TSPAN5: variants seen among roughly 807,000 people sequenced by gnomAD.
TSPAN5 encodes the protein tetraspanin 5.
Under a neutral mutation model 37.1 loss-of-function variants are expected in TSPAN5, and 10 were observed. The observed-to-expected ratio is 0.27, with a 90% CI of 0.17 to 0.46. TSPAN5 has a LOEUF of 0.46. TSPAN5 is among the 20% of genes least tolerant of loss of function. The pLI is 1.00. For synonymous variants in TSPAN5, 110 were observed against 118.9 expected (o/e 0.93, Z 0.48); for missense variants, 195 against 326.6 (o/e 0.60, Z 3.11).
At chr4:98,602,450 C>CT (rs1406890361) in intron 1 of TSPAN5, among the ~76,000 whole-genome samples, 1 of 152,116 alleles carries the variant, frequency 6.6e-6, no homozygotes, top group East Asian at 1.9e-4. Flanking sequence ...ATTTCCTCTC[C>CT]TTTTTTGGCA....
intron 2 of TSPAN5, among the ~76,000 whole-genome samples, chr4:98,502,851 T>A (rs1753385388): frequency 6.6e-6 from 1 of 151,030 alleles, no homozygotes; most frequent in Non-Finnish European, 1.5e-5. Flanking sequence ...CACTGGCTTT[T>A]ATCAATGATA....
chr4:98,569,600 C>T (rs1755076755), intron 1 of TSPAN5, among the ~76,000 whole-genome samples: 1 of 152,024 alleles, frequency 6.6e-6, no homozygotes, highest in Admixed American at 6.5e-5. Context: ...AGAGTAGAGG[C>T]AGTAGGAATG....
At chr4:98,636,135 G>C (rs1296277104) in intron 1 of TSPAN5, among the ~76,000 whole-genome samples, 1 of 152,210 alleles carries the variant, frequency 6.6e-6, no homozygotes, top group Non-Finnish European at 1.5e-5. Flanking sequence ...ATTTAAAGCA[G>C]AGGTAAGCGC....
intron 1 of TSPAN5, among the ~76,000 whole-genome samples, chr4:98,539,458 A>G (rs1450554399): frequency 1.3e-5 from 2 of 152,078 alleles, no homozygotes; most frequent in Non-Finnish European, 2.9e-5. Flanking sequence ...TCTTCCCCAA[A>G]CCACAATTTT....
intron 6 of TSPAN5, 43 bp downstream of exon 6, chr4:98,476,370 C>A: frequency 1.9e-6 from 3 of 1,613,984 alleles, no homozygotes; most frequent in Non-Finnish European, 2.5e-6. Context: ...CAAAGCTCCT[C>A]CAACACCCTT....
chr4:98,553,526 T>C (rs1754667724), intron 1 of TSPAN5, among the ~76,000 whole-genome samples: 1 of 152,174 alleles, frequency 6.6e-6, no homozygotes, highest in African/African-American at 2.4e-5. Flanking sequence ...TTAAAGATAA[T>C]GATATGTTTG....
intron 3 of TSPAN5, 113 bp downstream of exon 3, chr4:98,486,625 A>C: frequency 3.3e-6 from 4 of 1,211,726 alleles, no homozygotes; most frequent in Non-Finnish European, 3.6e-6. Flanking sequence ...CCTGGGCCCT[A>C]CTTTGGCCAG....
intron 1 of TSPAN5, among the ~76,000 whole-genome samples, chr4:98,538,585 A>T (rs1754289624): frequency 6.6e-6 from 1 of 152,250 alleles, no homozygotes; most frequent in Admixed American, 6.5e-5. Flanking sequence ...ATTTTGTGAA[A>T]ACTAATTCAG....
chr4:98,493,979 T>C (rs1477396152), intron 2 of TSPAN5, among the ~76,000 whole-genome samples: 1 of 152,170 alleles, frequency 6.6e-6, no homozygotes, highest in Non-Finnish European at 1.5e-5. Context: ...GATTCTGCAA[T>C]AGGAGATTTC....
intron 1 of TSPAN5, among the ~76,000 whole-genome samples, chr4:98,594,227 T>A (rs556243458): frequency 7.5e-6 from 1 of 133,584 alleles, no homozygotes; most frequent in South Asian, 2.3e-4. Context: ...CACCTATGAT[T>A]TGGCTCTCTG....
At position 98,636,846 on chromosome 4, in the gene TSPAN5, G is replaced by GT. The variant is rs1216201264; in HGVS notation, c.81+21299dup. Reference sequence around the variant, plus strand: ...ATTCTTTAACATAAGTGAACAAATGGTTTACTTGGCTTCACAGGTACAATA... The same window carrying GT: ...ATTCTTTAACATAAGTGAACAAATGGTTTTACTTGGCTTCACAGGTACAATA... On this transcript the variant is annotated intron_variant, in intron 1 of 7. Coordinates refer to ENST00000305798, the MANE Select transcript of TSPAN5 (RefSeq NM_005723.4). Among the ~76,000 whole-genome samples, 14 of 152,222 alleles carry GT rather than the reference G, an allele frequency of 9.2e-5. No individual in the cohort carries two copies. In the East Asian group the frequency reaches 2.5e-3, roughly 27 times the overall value.
intron 1 of TSPAN5, among the ~76,000 whole-genome samples, chr4:98,578,731 T>C (rs1755302742): frequency 6.6e-6 from 1 of 152,138 alleles, no homozygotes; most frequent in Non-Finnish European, 1.5e-5. Context: ...TATTAGTACT[T>C]ATTATATGCC....
intron 2 of TSPAN5, 57 bp downstream of exon 2, chr4:98,507,621 T>A: frequency 7.6e-7 from 1 of 1,309,674 alleles, no homozygotes; most frequent in Non-Finnish European, 1.1e-6. Context: ...TAATACATAA[T>A]ATGATGTGCA....
intron 1 of TSPAN5, among the ~76,000 whole-genome samples, chr4:98,533,951 A>AAAAACAAAAC (rs1754169787): frequency 1.4e-5 from 2 of 144,432 alleles, no homozygotes; most frequent in South Asian, 2.2e-4. Flanking sequence ...AAAAAAAAAA[A>AAAAACAAAAC]AAAAAAAAAA....
intron 1 of TSPAN5, among the ~76,000 whole-genome samples, chr4:98,539,028 A>G (rs769678044): frequency 6.6e-6 from 1 of 151,444 alleles, no homozygotes; most frequent in East Asian, 2.0e-4. Flanking sequence ...TATCTGTAAC[A>G]GTTGGGGGTG....
chr4:98,511,087 G>A (rs1753595082), intron 1 of TSPAN5, among the ~76,000 whole-genome samples: 1 of 152,136 alleles, frequency 6.6e-6, no homozygotes, highest in Non-Finnish European at 1.5e-5. Context: ...AAGTCTTAAA[G>A]TCAACCCTTT....
chr4:98,475,996 A>T (rs564368207), intron 7 of TSPAN5, among the ~76,000 whole-genome samples, 193 bp downstream of exon 7: 1 of 152,280 alleles, frequency 6.6e-6, no homozygotes, highest in East Asian at 1.9e-4. Flanking sequence ...TCTCAAAAAA[A>T]AATTAATAAA....
rs370785784 is a variant in TSPAN5, at chr4:98,476,204, G to A, written c.726C>T (p.Gly242=). The change falls in exon 7 of 8, where the codon GGC becomes GGT. Residue 242 remains glycine (G), a synonymous_variant. Coordinates refer to ENST00000305798, the MANE Select transcript of TSPAN5 (RefSeq NM_005723.4). ...NLTIVAGIFI[G]IALLQIFGIC... ...CTTATCTTACCTGCAGCAATGCAAT[G>A]CCTATGAAAATACCAGCAACGATGG... The A allele has an allele frequency of 1.2e-6, 2 of 1,613,576 alleles. No individual in the cohort carries two copies. Among genetic ancestry groups the A allele is most frequent in the East Asian group, 2.2e-5 (1 of 44,896 alleles).
chr4:98,482,219 T>A, intron 3 of TSPAN5, 44 bp from the exon 4 acceptor site: 1 of 1,577,290 alleles, frequency 6.3e-7, no homozygotes, highest in Non-Finnish European at 8.7e-7. Flanking sequence ...ATAAGGGCTA[T>A]TTTGATCATA....
Sources: allele counts gnomAD v4.1 joint callset (sites outside exome capture counted in the v4.1 genomes callset), GRCh38; gene constraint gnomAD v4.1.1; transcripts MANE v1.5; gene names NCBI Gene and HGNC (gene_info 2026-07-23, HGNC 2026-07-21).